Variants in MCTP1 observed in about 807,000 individuals in gnomAD.
MCTP1 encodes multiple C2 and transmembrane domain-containing protein 1.
In MCTP1, 69 loss-of-function variants were observed where a neutral mutation model predicts 120.6. That is an observed-to-expected ratio of 0.57 (90% confidence interval 0.47 to 0.70). MCTP1 has a LOEUF of 0.70. Among genes scored for constraint, MCTP1 ranks in the 30% least tolerant of loss-of-function variants. MCTP1 has a pLI of 0.00. For synonymous variants in MCTP1, 529 were observed against 493.1 expected (o/e 1.07, Z -0.96); for missense variants, 1,203 against 1,248.8 (o/e 0.96, Z 0.55).
intron 1 of MCTP1, among the ~76,000 whole-genome samples, chr5:95,101,833 T>C (rs1170535009): frequency 6.6e-6 from 1 of 152,188 alleles, no homozygotes; most frequent in Non-Finnish European, 1.5e-5. Flanking sequence ...GGAAACTCCT[T>C]TCAAAGACAA....
chr5:95,086,677 T>C (rs571769306), intron 1 of MCTP1, among the ~76,000 whole-genome samples: 261 of 152,322 alleles, frequency 1.7e-3, no homozygotes, highest in Non-Finnish European at 3.0e-3. Context: ...AGAATTAAAG[T>C]GGGAACAAGT....
chr5:95,249,890 A>C (rs1396547330), intron 1 of MCTP1, among the ~76,000 whole-genome samples: 3 of 152,200 alleles, frequency 2.0e-5, no homozygotes, highest in African/African-American at 7.2e-5. Flanking sequence ...CATCAATCTA[A>C]GCAAACTATC....
At chr5:95,020,330 A>C (rs2153672711) in intron 1 of MCTP1, among the ~76,000 whole-genome samples, 1 of 152,256 alleles carries the variant, frequency 6.6e-6, no homozygotes, top group African/African-American at 2.4e-5. Context: ...TTTTAACTAC[A>C]CTAGATTTTT....
intron 7 of MCTP1, among the ~76,000 whole-genome samples, chr5:94,920,605 G>C (rs1561860342): frequency 6.6e-6 from 1 of 151,926 alleles, no homozygotes; most frequent in South Asian, 2.1e-4. Context: ...AGCCAGGCTT[G>C]GTGGCGGGCG....
At chr5:95,246,830 A>T (rs1756844373) in intron 1 of MCTP1, among the ~76,000 whole-genome samples, 2 of 152,192 alleles carry the variant, frequency 1.3e-5, no homozygotes, top group Non-Finnish European at 2.9e-5. Flanking sequence ...AATGTTCATC[A>T]GGGATATTGG....
chr5:95,156,440 A>G (rs908676680), intron 1 of MCTP1, among the ~76,000 whole-genome samples: 1 of 152,234 alleles, frequency 6.6e-6, no homozygotes, highest in African/African-American at 2.4e-5. Context: ...AATTCTACTG[A>G]ATATGCATTA....
chr5:94,719,167 T>C (rs1432901301), intron 19 of MCTP1, among the ~76,000 whole-genome samples: 1 of 152,220 alleles, frequency 6.6e-6, no homozygotes, highest in Non-Finnish European at 1.5e-5. Context: ...CAACAGATGC[T>C]GGCAAGGCTA....
chr5:95,101,089 G>GT (rs971749225), intron 1 of MCTP1, among the ~76,000 whole-genome samples: 5 of 149,672 alleles, frequency 3.3e-5, no homozygotes, highest in African/African-American at 1.0e-4. Flanking sequence ...TAGAAAGAAA[G>GT]TAAAAAAAAA....
rs1818983423 is a variant in MCTP1, at chr5:94,946,582, C to T, written c.982-4155G>A. Among the ~76,000 whole-genome samples, 3 of 152,268 alleles carry T rather than the reference C, an allele frequency of 2.0e-5. No homozygotes were observed. In the South Asian group the frequency reaches 6.2e-4, roughly 32 times the overall value. On this transcript the variant is annotated intron_variant, in intron 3 of 22. Transcript: ENST00000515393. ...ATGGCTCCAGGTGCCATGATACTTG[C>T]CCCTCTAGAGCTAAAGCTAGTTGAC...
chr5:94,714,822 T>C lies in MCTP1; in HGVS notation c.2675A>G (p.Gln892Arg). Residue 892 changes from glutamine to arginine, a missense_variant, in exon 20 of 23, where the codon CAG becomes CGG. Gln to Arg is a conservative substitution (Grantham distance 43, BLOSUM62 1). Transcript: ENST00000515393. Reference protein sequence around the residue: ...YAIQEVCVSVQNILDEVASFG... With the variant: ...YAIQEVCVSVRNILDEVASFG... ...GGAAGCCACTTCATCTAGGATGTTC[T>C]GGACACTGACACATACCTCCTGGAT... The C allele has an allele frequency of 6.2e-7, 1 of 1,613,026 alleles. No individual in the cohort carries two copies.
intron 6 of MCTP1, among the ~76,000 whole-genome samples, chr5:94,927,226 G>A (rs569870761): frequency 2.1e-4 from 32 of 152,094 alleles, no homozygotes; most frequent in Middle Eastern, 3.4e-3. Flanking sequence ...ACAAATTTCA[G>A]GACTTTGGTT....
chr5:95,153,679 A>G (rs1744785140), intron 1 of MCTP1, among the ~76,000 whole-genome samples: 1 of 152,244 alleles, frequency 6.6e-6, no homozygotes, highest in African/African-American at 2.4e-5. Context: ...TACAAAGCTT[A>G]AAAGCAGTGA....
At chr5:94,760,627 C>T (rs753102779) in intron 19 of MCTP1, among the ~76,000 whole-genome samples, 20 of 152,048 alleles carry the variant, frequency 1.3e-4, no homozygotes, top group Non-Finnish European at 2.5e-4. Context: ...AGCAGAGAAA[C>T]ATTAGCTCCA....
At chr5:94,968,479 A>G (rs1826088398) in intron 2 of MCTP1, among the ~76,000 whole-genome samples, 1 of 152,206 alleles carries the variant, frequency 6.6e-6, no homozygotes, top group Admixed American at 6.5e-5. Flanking sequence ...CGTTTTCAAG[A>G]TTATATTATT....
At chr5:95,259,298 A>G (rs1758230302) in intron 1 of MCTP1, among the ~76,000 whole-genome samples, 1 of 152,192 alleles carries the variant, frequency 6.6e-6, no homozygotes, top group Non-Finnish European at 1.5e-5. Flanking sequence ...AAAGGAAGAA[A>G]TCTATCTTTG....
chr5:94,771,017 C>T lies in MCTP1; in HGVS notation c.2610+8093G>A, dbSNP rs555596745. Among the ~76,000 whole-genome samples, 28 of 152,308 alleles carry T rather than the reference C, an allele frequency of 1.8e-4. No homozygotes were observed. In the South Asian group the frequency reaches 5.8e-3, roughly 32 times the overall value. ...GATATCAAAGATAACAAGCCCATTG[C>T]TGCCTCAAAACTACTCCATAATATC... is the stretch of plus-strand genomic sequence containing the variant. On this transcript the variant is annotated intron_variant, in intron 19 of 22. Transcript: ENST00000515393.
intron 2 of MCTP1, among the ~76,000 whole-genome samples, chr5:94,958,625 G>C (rs1311526032): frequency 6.6e-6 from 1 of 152,140 alleles, no homozygotes; most frequent in African/African-American, 2.4e-5. Flanking sequence ...ACTACCATCA[G>C]AGAATACTAT....
At chr5:94,900,872 C>T (rs1455611704) in intron 10 of MCTP1, among the ~76,000 whole-genome samples, 4 of 152,174 alleles carry the variant, frequency 2.6e-5, no homozygotes, top group Non-Finnish European at 4.4e-5. Flanking sequence ...TGTAAGAACA[C>T]AGGAATCATG....
At chr5:95,241,886 A>G (rs991119875) in intron 1 of MCTP1, among the ~76,000 whole-genome samples, 1 of 152,226 alleles carries the variant, frequency 6.6e-6, no homozygotes, top group African/African-American at 2.4e-5. Flanking sequence ...CTGAAAAGCT[A>G]GAAAGTTACA....
Sources: gnomAD v4.1 joint callset for allele counts (sites outside exome capture counted in the v4.1 genomes callset) on GRCh38, gnomAD v4.1.1 for gene constraint, MANE v1.5 for transcripts, NCBI Gene and HGNC (gene_info 2026-07-23, HGNC 2026-07-21) for gene names.